Variants in CFAP299 observed in about 807,000 individuals in gnomAD.
The protein encoded by CFAP299 is cilia and flagella associated protein 299, also known as cilia- and flagella-associated protein 299.
Under a neutral mutation model 27.0 loss-of-function variants are expected in CFAP299, and 21 were observed. That is an observed-to-expected ratio of 0.78 (90% confidence interval 0.55 to 1.12). The LOEUF is 1.12. Among genes scored for constraint, CFAP299 ranks in the 50% most tolerant of loss-of-function variants. The pLI, the probability that CFAP299 is intolerant of heterozygous loss-of-function variation, is 0.00. For synonymous variants in CFAP299, 104 were observed against 98.1 expected, an observed-to-expected ratio of 1.06 and a Z score of -0.36; for missense variants, 310 against 276.6, an observed-to-expected ratio of 1.12 and a Z score of -0.86.
intron 2 of CFAP299, among the ~76,000 whole-genome samples, chr4:80,373,241 C>T (rs1031555911): frequency 6.6e-5 from 10 of 151,954 alleles, no homozygotes; most frequent in African/African-American, 1.2e-4. Flanking sequence ...ACTCTAAGAG[C>T]GGGGCCACAG....
chr4:80,739,874 C>A (rs1488580440), intron 3 of CFAP299, among the ~76,000 whole-genome samples: 1 of 151,766 alleles, frequency 6.6e-6, no homozygotes, highest in Non-Finnish European at 1.5e-5. Context: ...TTTCTTTTGT[C>A]TCCTCTGTGT....
At chr4:80,849,077 ACT>A (rs1309175192) in intron 3 of CFAP299, among the ~76,000 whole-genome samples, 1 of 152,102 alleles carries the variant, frequency 6.6e-6, no homozygotes, top group Non-Finnish European at 1.5e-5. Flanking sequence ...AAATTTTTTG[ACT>A]CTCTTGTAAT....
chr4:80,409,445 A>G (rs1726600699), intron 2 of CFAP299, among the ~76,000 whole-genome samples: 1 of 152,204 alleles, frequency 6.6e-6, no homozygotes, highest in Non-Finnish European at 1.5e-5. Context: ...TTTCCCATAC[A>G]TTTTAGCCTT....
chr4:80,817,773 C>A (rs1240224357), intron 3 of CFAP299, among the ~76,000 whole-genome samples: 1 of 149,784 alleles, frequency 6.7e-6, no homozygotes, highest in East Asian at 2.0e-4. Flanking sequence ...ATCTATGTTT[C>A]TTTTTAACTT....
At chr4:80,922,351 G>T (rs942168909) in intron 4 of CFAP299, among the ~76,000 whole-genome samples, 1 of 151,990 alleles carries the variant, frequency 6.6e-6, no homozygotes, top group Non-Finnish European at 1.5e-5. Context: ...ACATACAAAG[G>T]TAAGAAAACA....
chr4:80,390,590 TATGTATATATGTATAC>T (rs1452016044), intron 2 of CFAP299, among the ~76,000 whole-genome samples: 17 of 141,504 alleles, frequency 1.2e-4, no homozygotes, highest in African/African-American at 3.9e-4. Flanking sequence ...TATATGTATA[TATGTATATATGTATAC>T]ACACATATGT....
intron 3 of CFAP299, among the ~76,000 whole-genome samples, chr4:80,857,622 T>A (rs1312105890): frequency 6.6e-6 from 1 of 152,254 alleles, no homozygotes; most frequent in African/African-American, 2.4e-5. Flanking sequence ...TGAAGCGTTG[T>A]TGAATTTTGT....
chr4:80,942,369 C>T (rs573573594), intron 4 of CFAP299, among the ~76,000 whole-genome samples: 14 of 152,192 alleles, frequency 9.2e-5, no homozygotes, highest in Non-Finnish European at 1.3e-4. Flanking sequence ...TACATGAATA[C>T]AATGGATATT....
At chr4:80,783,383 A>G (rs984652869) in intron 3 of CFAP299, among the ~76,000 whole-genome samples, 3 of 152,174 alleles carry the variant, frequency 2.0e-5, no homozygotes, top group Non-Finnish European at 4.4e-5. Context: ...GCTGGCTACC[A>G]TACGAGGCAC....
At chr4:80,387,304 C>T in intron 2 of CFAP299, 1 of 1,611,090 alleles carries the variant, frequency 6.2e-7, no homozygotes, top group East Asian at 2.2e-5. Context: ...ATGTGTCGAG[C>T]TTTGGGAACG....
chr4:80,713,195 G>A (rs1232785273), intron 3 of CFAP299, among the ~76,000 whole-genome samples: 1 of 152,072 alleles, frequency 6.6e-6, no homozygotes, highest in Admixed American at 6.6e-5. Flanking sequence ...GGAGGTTAAT[G>A]TTAATGGATC....
chr4:80,714,374 A>G (rs1007908045), intron 3 of CFAP299, among the ~76,000 whole-genome samples: 1 of 152,176 alleles, frequency 6.6e-6, no homozygotes, highest in African/African-American at 2.4e-5. Context: ...ACTTCTGATT[A>G]TACTTTGACT....
chr4:80,711,260 C>G (rs1722152053), intron 3 of CFAP299, among the ~76,000 whole-genome samples: 1 of 152,122 alleles, frequency 6.6e-6, no homozygotes, highest in African/African-American at 2.4e-5. Flanking sequence ...AGCTGCTGGA[C>G]TAAGTAGCCA....
intron 1 of CFAP299, among the ~76,000 whole-genome samples, chr4:80,348,924 T>C (rs1255009589): frequency 2.0e-5 from 3 of 152,204 alleles, no homozygotes; most frequent in Non-Finnish European, 4.4e-5. Context: ...TGAGTGCACA[T>C]AATTTATTTT....
chr4:80,796,238 C>T (rs191989080), intron 3 of CFAP299, among the ~76,000 whole-genome samples: 5 of 152,314 alleles, frequency 3.3e-5, no homozygotes, highest in Admixed American at 3.3e-4. Flanking sequence ...AATATCTCAA[C>T]AGGCCCCACA....
At chr4:80,771,499 T>C (rs1393203972) in intron 3 of CFAP299, among the ~76,000 whole-genome samples, 1 of 3,558 alleles carries the variant, frequency 2.8e-4, no homozygotes, top group Admixed American at 7.7e-3. Context: ...AAACTAGTTA[T>C]GCATATTACT....
intron 4 of CFAP299, among the ~76,000 whole-genome samples, chr4:80,892,374 TAAATC>T (rs1734352126): frequency 6.6e-6 from 1 of 152,134 alleles, no homozygotes; most frequent in South Asian, 2.1e-4. Context: ...ATTAAAAACT[TAAATC>T]TAAGACCTCA....
chr4:80,942,390 T>C (rs1053150889), intron 4 of CFAP299, among the ~76,000 whole-genome samples: 1 of 152,096 alleles, frequency 6.6e-6, no homozygotes, highest in Non-Finnish European at 1.5e-5. Flanking sequence ...TTATACCTAC[T>C]CCATGGATTT....
intron 2 of CFAP299, among the ~76,000 whole-genome samples, chr4:80,369,351 C>T (rs776534680): frequency 4.6e-5 from 7 of 152,252 alleles, no homozygotes; most frequent in African/African-American, 4.8e-5. Context: ...GGTGAGCTAC[C>T]GCCCCTATCA....
Sources: allele counts gnomAD v4.1 joint callset (sites outside exome capture counted in the v4.1 genomes callset), GRCh38; gene constraint gnomAD v4.1.1; transcripts MANE v1.5; gene names NCBI Gene and HGNC (gene_info 2026-07-23, HGNC 2026-07-21).